The following NEK7 variants were observed in gnomAD, a reference collection of about 807,000 sequenced individuals.
The protein encoded by NEK7 is serine/threonine-protein kinase Nek7.
Under a neutral mutation model 44.6 loss-of-function variants are expected in NEK7, and 18 were observed. The observed-to-expected ratio is 0.40, with a 90% CI of 0.28 to 0.60. NEK7 has a LOEUF of 0.60. Among genes scored for constraint, NEK7 ranks in the 20% least tolerant of loss-of-function variants. The pLI is 0.38. For missense variants in NEK7, 256 were observed against 366.5 expected (o/e 0.70, Z 2.46); for synonymous variants, 130 against 121.1 (o/e 1.07, Z -0.48).
intron 5 of NEK7, chr1:198,277,741 G>A (rs1326002687): frequency 2.2e-6 from 1 of 445,916 alleles, no homozygotes; most frequent in African/African-American, 2.0e-5. Context: ...AAAAGGTACT[G>A]TTACACAGTT....
At chr1:198,199,889 A>G (rs2884765) in intron 1 of NEK7, among the ~76,000 whole-genome samples, 15,246 of 152,056 alleles carry the variant, frequency 0.1, 1,071 homozygotes, top group South Asian at 0.25. Flanking sequence ...TTGTTTTTCA[A>G]TTCGAGCTTT....
At chr1:198,296,947 A>G (rs1654733524) in intron 8 of NEK7, among the ~76,000 whole-genome samples, 180 bp from the exon 9 acceptor site, 2 of 152,238 alleles carry the variant, frequency 1.3e-5, no homozygotes, top group African/African-American at 4.8e-5. Context: ...CAAAAGTTGC[A>G]GTAAGATTTT....
At chr1:198,159,076 G>T (rs1320513256) in intron 1 of NEK7, among the ~76,000 whole-genome samples, 7 of 152,200 alleles carry the variant, frequency 4.6e-5, no homozygotes, top group Non-Finnish European at 8.8e-5. Flanking sequence ...CGGGAGCCCG[G>T]AGGACCCTCC....
chr1:198,312,688 C>T (rs1377136595), intron 9 of NEK7, among the ~76,000 whole-genome samples: 9 of 151,264 alleles, frequency 5.9e-5, no homozygotes, highest in African/African-American at 1.2e-4. Flanking sequence ...GCCTTCATTT[C>T]GTTATGTACC....
intron 1 of NEK7, among the ~76,000 whole-genome samples, chr1:198,214,755 T>C (rs189478806): frequency 1.3e-5 from 2 of 152,240 alleles, no homozygotes; most frequent in Admixed American, 6.5e-5. Flanking sequence ...GAAAACCTAT[T>C]TGAGGGAATA....
chr1:198,194,241 AAATTT>A (rs1665161278), intron 1 of NEK7, among the ~76,000 whole-genome samples: 1 of 151,878 alleles, frequency 6.6e-6, no homozygotes, highest in Non-Finnish European at 1.5e-5. Context: ...TTTTTAAGTT[AAATTT>A]AATTTCTTTT....
intron 2 of NEK7, among the ~76,000 whole-genome samples, chr1:198,237,520 A>G (rs991150811): frequency 2.7e-4 from 41 of 151,996 alleles, no homozygotes; most frequent in Non-Finnish European, 4.4e-5. Flanking sequence ...ACTTCCTCCT[A>G]TTTCTCTGGT....
chr1:198,174,423 G>A (rs912355200), intron 1 of NEK7, among the ~76,000 whole-genome samples: 9 of 152,020 alleles, frequency 5.9e-5, no homozygotes, highest in Non-Finnish European at 1.0e-4. Flanking sequence ...TTGTGTACGT[G>A]GGGAGGTGGG....
At chr1:198,270,483 T>G (rs143489883) in intron 5 of NEK7, among the ~76,000 whole-genome samples, 2 of 152,150 alleles carry the variant, frequency 1.3e-5, no homozygotes, top group Admixed American at 1.3e-4. Context: ...TACAATTTTT[T>G]TAGTGAAATA....
At chr1:198,158,082 A>G (rs1663970098) in intron 1 of NEK7, among the ~76,000 whole-genome samples, 1 of 152,042 alleles carries the variant, frequency 6.6e-6, no homozygotes, top group Non-Finnish European at 1.5e-5. Flanking sequence ...GTAGGCCTTC[A>G]CTCCTAAAAC....
intron 1 of NEK7, among the ~76,000 whole-genome samples, chr1:198,162,280 G>A (rs7524402): frequency 6.6e-6 from 1 of 152,162 alleles, no homozygotes; most frequent in African/African-American, 2.4e-5. Flanking sequence ...CCTCGGGGAA[G>A]CCCAGGTAGG....
chr1:198,170,610 C>T (rs1289518802), intron 1 of NEK7, among the ~76,000 whole-genome samples: 7 of 152,120 alleles, frequency 4.6e-5, no homozygotes, highest in African/African-American at 1.4e-4. Flanking sequence ...AGGATCCCCT[C>T]ATGGAGAAAA....
chr1:198,237,436 C>T (rs796485446), intron 2 of NEK7, among the ~76,000 whole-genome samples: 49 of 152,234 alleles, frequency 3.2e-4, no homozygotes, highest in African/African-American at 1.0e-3. Flanking sequence ...GACTGACAGC[C>T]CACCATCTTC....
chr1:198,197,440 G>A (rs1290419839), intron 1 of NEK7, among the ~76,000 whole-genome samples: 2 of 152,238 alleles, frequency 1.3e-5, no homozygotes, highest in African/African-American at 2.4e-5. Flanking sequence ...ATTTTTTATC[G>A]AAGTGCAACA....
At chr1:198,312,175 A>G (rs1203135091) in intron 9 of NEK7, among the ~76,000 whole-genome samples, 2 of 151,992 alleles carry the variant, frequency 1.3e-5, no homozygotes, top group African/African-American at 4.8e-5. Flanking sequence ...GGGAGAGTGT[A>G]TGTGTCAAGG....
At chr1:198,208,655 G>A (rs947556467) in intron 1 of NEK7, 1 of 152,138 alleles carries the variant, frequency 6.6e-6, no homozygotes, top group East Asian at 1.9e-4. Flanking sequence ...TTCAGAATAT[G>A]TTTGTATGAT....
intron 9 of NEK7, among the ~76,000 whole-genome samples, chr1:198,302,850 G>T (rs537969727): frequency 6.6e-6 from 1 of 151,980 alleles, no homozygotes; most frequent in South Asian, 2.1e-4. Flanking sequence ...GGACATCACA[G>T]TGGTACCTGT....
intron 3 of NEK7, chr1:198,256,206 A>G: frequency 8.6e-7 from 1 of 1,164,162 alleles, no homozygotes; most frequent in African/African-American, 1.6e-5. Context: ...TTTTAATGAG[A>G]TACCATCCAG....
At chr1:198,281,771 TC>T (rs1263361906) in intron 7 of NEK7, among the ~76,000 whole-genome samples, 1 of 152,116 alleles carries the variant, frequency 6.6e-6, no homozygotes, top group Non-Finnish European at 1.5e-5. Flanking sequence ...GATTGGCAAG[TC>T]TTTGCATTTT....
Sources: allele counts gnomAD v4.1 joint callset (sites outside exome capture counted in the v4.1 genomes callset), GRCh38; gene constraint gnomAD v4.1.1; transcripts MANE v1.5; gene names NCBI Gene and HGNC (gene_info 2026-07-23, HGNC 2026-07-21).